PEX5L: variants seen among roughly 807,000 people sequenced by gnomAD.
The protein encoded by PEX5L is peroxisomal biogenesis factor 5 like.
PEX5L carries 30 observed loss-of-function variants against 84.0 expected under a neutral mutation model. The ratio of observed to expected loss-of-function variants is 0.36; its 90% CI spans 0.27 to 0.48. PEX5L has a LOEUF of 0.48. Ranked by LOEUF, PEX5L falls within the 20% of genes least tolerant of loss-of-function variation. PEX5L has a pLI of 0.99. For synonymous variants in PEX5L, 270 were observed against 283.1 expected, an observed-to-expected ratio of 0.95 and a Z score of 0.46; for missense variants, 533 against 754.6, an observed-to-expected ratio of 0.71 and a Z score of 3.44.
intron 2 of PEX5L, among the ~76,000 whole-genome samples, chr3:179,946,233 C>A (rs2109880458): frequency 6.6e-6 from 1 of 152,214 alleles, no homozygotes; most frequent in Admixed American, 6.5e-5. Context: ...AATCCAGGCT[C>A]TTGCTGGCTG....
rs1227024144 is a variant in PEX5L, at chr3:179,808,296, G to A, written c.1494C>T (p.Asn498=). ...GEFNRAIDAF[N]AALTVRPEDY... ...CCTCTGGCCGAACAGTTAAGGCAGC[G>A]TTAAATGCATCTATTGCTCTATTAA... is the stretch of plus-strand genomic sequence containing the variant. Residue 498 remains asparagine (N), a synonymous_variant, in exon 13 of 15, where the codon AAC becomes AAT. Coordinates refer to ENST00000467460, the MANE Select transcript of PEX5L (RefSeq NM_016559.3). The A allele has an allele frequency of 1.3e-6, 2 of 1,595,150 alleles. No individual in the cohort carries two copies. The highest frequency in any genetic ancestry group is 1.7e-6 in the Non-Finnish European group (2 of 1,172,754).
At chr3:179,849,248 T>A (rs1740831032) in intron 8 of PEX5L, among the ~76,000 whole-genome samples, 3 of 152,346 alleles carry the variant, frequency 2.0e-5, no homozygotes, top group African/African-American at 7.2e-5. Flanking sequence ...ATTAATACAG[T>A]TCTATTACTT....
chr3:179,802,764 C>T lies in PEX5L; in HGVS notation c.1677-732G>A, dbSNP rs186245382. The stretch of plus-strand genomic sequence containing the variant: ...TAAAAACAAAGTGGTCTAATTTTTC[C>T]CATTAGTGCTAGATGTATGGAACAC... On this transcript the variant is annotated intron_variant, in intron 14 of 14. Transcript: ENST00000467460. Among the ~76,000 whole-genome samples, 289 of 151,948 alleles carry T rather than the reference C, an allele frequency of 1.9e-3. 1 individual carries two copies. The highest frequency in any genetic ancestry group is 0.01 in the Middle Eastern group (3 of 292).
At chr3:179,948,173 A>C (rs966555565) in intron 2 of PEX5L, among the ~76,000 whole-genome samples, 8 of 152,302 alleles carry the variant, frequency 5.3e-5, no homozygotes, top group African/African-American at 1.9e-4. Flanking sequence ...AAATTTCATA[A>C]ATTTATAATT....
In PEX5L at chr3:179,930,935, T is replaced by C. The variant is rs536493357; in HGVS notation, c.94-32689A>G. ...CTTATTTGTCCATTTCTCCACTGGA[T>C]ATTGAGTTCCTTGAGGAAGGAAATA... On this transcript the variant is annotated intron_variant, in intron 2 of 14. Coordinates refer to ENST00000467460, the MANE Select transcript of PEX5L (RefSeq NM_016559.3). 1.1e-4 allele frequency among the ~76,000 whole-genome samples: 17 copies of C among 152,338 alleles called. No homozygotes were observed. The South Asian group carries it at 2.9e-3, about 26-fold the overall frequency.
chr3:180,020,292 G>A (rs1790316384), intron 1 of PEX5L, among the ~76,000 whole-genome samples: 1 of 151,858 alleles, frequency 6.6e-6, no homozygotes, highest in African/African-American at 2.4e-5. Flanking sequence ...AGAAAAAGTA[G>A]AATAAATATA....
rs79908454 is a variant in PEX5L at position 179,830,309 on chromosome 3, A to G, written c.823-10333T>C. Among the ~76,000 whole-genome samples the G allele has an allele frequency of 2.0e-4, 21 of 103,844 alleles. 2 individuals carry two copies. The East Asian group carries it at 6.5e-3, about 32-fold the overall frequency. 68.1% of individuals were successfully genotyped at this position (103,844 alleles called of 152,430 possible). On this transcript the variant is annotated intron_variant, in intron 8 of 14. Coordinates refer to ENST00000467460, the MANE Select transcript of PEX5L (RefSeq NM_016559.3). ...CGCCCCCCCCCTTTTTTTTATGACT[A>G]CCTGATTGTCAAAATGGTTGACCAA...
chr3:179,967,489 A>C lies in PEX5L; in HGVS notation c.93+4105T>G, dbSNP rs1783636415. ...TGGGAAAAGCACAGTATCATTTTAC[A>C]AATAATATCAGAAAACTTATTTGAA... On this transcript the variant is annotated intron_variant, in intron 2 of 14. Coordinates refer to ENST00000467460, the MANE Select transcript of PEX5L (RefSeq NM_016559.3). Among the ~76,000 whole-genome samples the C allele has an allele frequency of 1.3e-5, 2 of 152,194 alleles. 1 individual carries two copies.
chr3:179,868,536 C>A (rs932764679), intron 7 of PEX5L, among the ~76,000 whole-genome samples: 14 of 152,094 alleles, frequency 9.2e-5, no homozygotes, highest in African/African-American at 3.4e-4. Context: ...TTGACATAAT[C>A]TGAAGTGGCC....
intron 2 of PEX5L, among the ~76,000 whole-genome samples, chr3:179,918,269 T>G (rs1201598577): frequency 6.6e-6 from 1 of 152,192 alleles, no homozygotes; most frequent in Non-Finnish European, 1.5e-5. Context: ...CAATTTCCAC[T>G]GTCATCTATC....
chr3:179,871,271 T>G (rs1750291431), intron 7 of PEX5L, among the ~76,000 whole-genome samples: 1 of 152,010 alleles, frequency 6.6e-6, no homozygotes, highest in South Asian at 2.1e-4. Context: ...CCTGGCTAAA[T>G]TTTGTATTTT....
At chr3:180,008,228 G>A (rs1186406298) in intron 1 of PEX5L, among the ~76,000 whole-genome samples, 1 of 152,176 alleles carries the variant, frequency 6.6e-6, no homozygotes, top group Non-Finnish European at 1.5e-5. Context: ...CTCTAGGGCA[G>A]GGGCAAATGC....
At chr3:179,930,271 T>C (rs1188035133) in intron 2 of PEX5L, among the ~76,000 whole-genome samples, 1 of 151,916 alleles carries the variant, frequency 6.6e-6, no homozygotes, top group Non-Finnish European at 1.5e-5. Context: ...GTATACCTTA[T>C]TCTTTTTTCT....
At chr3:179,889,112 T>G (rs1460122175) in intron 3 of PEX5L, among the ~76,000 whole-genome samples, 1 of 152,150 alleles carries the variant, frequency 6.6e-6, no homozygotes, top group African/African-American at 2.4e-5. Context: ...TTTGTTAAGT[T>G]GCATTTTAAG....
chr3:179,938,988 C>T (rs547952228), intron 2 of PEX5L, among the ~76,000 whole-genome samples: 28 of 152,292 alleles, frequency 1.8e-4, no homozygotes, highest in African/African-American at 4.1e-4. Context: ...GCATAAAACA[C>T]GAGCCCTGAA....
chr3:180,003,780 C>T (rs1373962462), intron 1 of PEX5L, among the ~76,000 whole-genome samples: 2 of 152,150 alleles, frequency 1.3e-5, no homozygotes, highest in Non-Finnish European at 2.9e-5. Context: ...TAAAAGGCTA[C>T]TTTTGGCTTC....
At chr3:179,818,833 ATTTTC>A (rs139719450) in intron 9 of PEX5L, among the ~76,000 whole-genome samples, 1,435 of 141,220 alleles carry the variant, frequency 0.01, 11 homozygotes, top group Middle Eastern at 0.019. Flanking sequence ...TATGTACCAC[ATTTTC>A]TTTTCTTTTC....
rs151185619 is a variant in PEX5L at position 179,972,129 on chromosome 3, C to A, written c.22-464G>T. On this transcript the variant is annotated intron_variant, in intron 1 of 14. Transcript: ENST00000467460. ...GTATTATGCAACTCAGATAATGAAT[C>A]TTCAGATTTTCAACATTTGCTCACA... Among the ~76,000 whole-genome samples the A allele has an allele frequency of 3.3e-5, 5 of 152,226 alleles. No individual in the cohort carries two copies. The East Asian group carries it at 5.8e-4, about 18-fold the overall frequency.
chr3:179,890,327 G>C (rs1560561584), intron 3 of PEX5L, among the ~76,000 whole-genome samples: 1 of 152,160 alleles, frequency 6.6e-6, no homozygotes, highest in East Asian at 1.9e-4. Flanking sequence ...AGAAATTATT[G>C]TAACAGGGTT....
Sources: gnomAD v4.1 joint callset for allele counts (sites outside exome capture counted in the v4.1 genomes callset) on GRCh38, gnomAD v4.1.1 for gene constraint, MANE v1.5 for transcripts, NCBI Gene and HGNC (gene_info 2026-07-23, HGNC 2026-07-21) for gene names.